Variants in IDNK observed in about 807,000 individuals in gnomAD.
IDNK encodes the protein gluconokinase.
In IDNK, 9 loss-of-function variants were observed where a neutral mutation model predicts 13.0. That is an observed-to-expected ratio of 0.69 (90% confidence interval 0.42 to 1.21). The LOEUF (loss-of-function observed/expected upper bound fraction) is 1.21, where lower values mean the gene tolerates loss of function less well. Among genes scored for constraint, IDNK ranks in the 50% most tolerant of loss-of-function variants. The pLI, the probability that IDNK is intolerant of heterozygous loss-of-function variation, is 0.00. For synonymous variants in IDNK, 92 were observed against 94.9 expected, an observed-to-expected ratio of 0.97 and a Z score of 0.18; for missense variants, 210 against 237.8, an observed-to-expected ratio of 0.88 and a Z score of 0.77.
At chr9:83,633,052 C>A (rs535713797) in intron 3 of IDNK, among the ~76,000 whole-genome samples, 4 of 152,224 alleles carry the variant, frequency 2.6e-5, no homozygotes, top group African/African-American at 9.6e-5. Flanking sequence ...TCAAGATTGG[C>A]CTGTCCTCCA....
At chr9:83,642,351 C>A (rs1461752107) in intron 4 of IDNK, among the ~76,000 whole-genome samples, 1 of 151,938 alleles carries the variant, frequency 6.6e-6, no homozygotes, top group Non-Finnish European at 1.5e-5. Context: ...TTTTTCACAC[C>A]CGTTGACATG....
chr9:83,628,192 G>A lies in IDNK; in HGVS notation c.62G>A (p.Gly21Asp), dbSNP rs1830913264. Reference sequence around the variant, plus strand: ...TGTCCTCTCCACAGATCCACCGTGGGCGCCCTGCTGGCATCTGAGGTTAGT... The same window carrying A: ...TGTCCTCTCCACAGATCCACCGTGGACGCCCTGCTGGCATCTGAGGTTAGT... Reference protein sequence around the residue: ...GVSGSGKSTVGALLASELGWK... With the variant: ...GVSGSGKSTVDALLASELGWK... Residue 21 changes from glycine to aspartate, a missense_variant, in exon 2 of 5, where the codon GGC becomes GAC. By Grantham distance (94) the Gly-to-Asp change is moderately conservative. Transcript: ENST00000376419. 1 of 1,550,544 alleles carries A rather than the reference G, an allele frequency of 6.4e-7. No homozygotes were observed. The highest frequency in any genetic ancestry group is 8.7e-7 in the Non-Finnish European group (1 of 1,146,962).
intron 3 of IDNK, 79 bp downstream of exon 3, chr9:83,629,038 A>T (rs1398134625): frequency 2.8e-6 from 3 of 1,085,010 alleles, no homozygotes; most frequent in Non-Finnish European, 4.3e-6. Flanking sequence ...TTGCTGTAGT[A>T]GAGTTCGTGA....
At chr9:83,625,869 G>A (rs11140180) in intron 1 of IDNK, among the ~76,000 whole-genome samples, 21,701 of 152,128 alleles carry the variant, frequency 0.14, 1,676 homozygotes, top group African/African-American at 0.19. Context: ...CATGTGTCTA[G>A]AACAGTTCCT....
intron 3 of IDNK, among the ~76,000 whole-genome samples, chr9:83,637,562 A>G (rs1379687195): frequency 6.6e-6 from 1 of 152,240 alleles, no homozygotes; most frequent in Admixed American, 6.5e-5. Context: ...CCTCATGGAA[A>G]AGATCAAAGG....
At chr9:83,631,049 G>C (rs1587609048) in intron 3 of IDNK, among the ~76,000 whole-genome samples, 1 of 152,136 alleles carries the variant, frequency 6.6e-6, no homozygotes, top group Non-Finnish European at 1.5e-5. Flanking sequence ...AGAATCCAAC[G>C]AGTCTAAGAC....
intron 2 of IDNK, 35 bp downstream of exon 2, chr9:83,628,246 G>A (rs1255838835): frequency 6.6e-7 from 1 of 1,503,776 alleles, no homozygotes; most frequent in East Asian, 2.5e-5. Context: ...CCGAGTGCTT[G>A]TCCCATTGTG....
intron 3 of IDNK, among the ~76,000 whole-genome samples, chr9:83,632,495 C>A (rs780369687): frequency 7.3e-6 from 1 of 137,558 alleles, no homozygotes; most frequent in Non-Finnish European, 1.5e-5. Flanking sequence ...CTGGGCCACA[C>A]TGGAAGAAGA....
intron 1 of IDNK, among the ~76,000 whole-genome samples, chr9:83,625,715 C>T (rs1231279142): frequency 1.3e-5 from 2 of 152,138 alleles, no homozygotes; most frequent in South Asian, 2.1e-4. Context: ...TTATCACAGC[C>T]TAATGGCTGA....
chr9:83,625,115 G>A (rs139680840), intron 1 of IDNK, among the ~76,000 whole-genome samples: 282 of 152,354 alleles, frequency 1.9e-3, no homozygotes, highest in Middle Eastern at 0.01. Flanking sequence ...TAAAGAGAAT[G>A]TGGTCATATG....
chr9:83,637,062 AGT>A (rs1831183633), intron 3 of IDNK, among the ~76,000 whole-genome samples: 1 of 152,240 alleles, frequency 6.6e-6, no homozygotes, highest in Non-Finnish European at 1.5e-5. Flanking sequence ...CATACATGAC[AGT>A]AACTGTTGTG....
Position 83,628,898 on chromosome 9 carries a change from ATGAT to A in IDNK, c.109_112del (p.Asp37IlefsTer33). On this transcript the variant is annotated frameshift_variant, in exon 3 of 5. Coordinates refer to ENST00000376419, the MANE Select transcript of IDNK (RefSeq NM_001001551.4). LOFTEE classifies it high-confidence loss of function. Reference sequence around the variant, plus strand: ...CTGGGATGGAAATTCTATGATGCTGATGATTATCACCCGGAGGAAAATCGAAGGA... The same window carrying A: ...CTGGGATGGAAATTCTATGATGCTGATATCACCCGGAGGAAAATCGAAGGA... 1.2e-6 allele frequency: 2 copies of A among 1,614,056 alleles called. No homozygotes were observed. Among genetic ancestry groups the A allele is most frequent in the Non-Finnish European group, 1.7e-6 (2 of 1,179,918 alleles).
chr9:83,635,542 G>A (rs996392511), intron 3 of IDNK, among the ~76,000 whole-genome samples: 1 of 152,228 alleles, frequency 6.6e-6, no homozygotes, highest in Non-Finnish European at 1.5e-5. Flanking sequence ...CAGCCTGCCT[G>A]GGACAGACAT....
intron 1 of IDNK, chr9:83,626,888 GAGC>G: frequency 2.8e-6 from 3 of 1,070,264 alleles, no homozygotes; most frequent in Non-Finnish European, 3.4e-6. Context: ...TTACATCCAG[GAGC>G]AGATCTCAGT....
At chr9:83,628,297 C>G in intron 2 of IDNK, 86 bp downstream of exon 2, 1 of 1,167,626 alleles carries the variant, frequency 8.6e-7, no homozygotes, top group South Asian at 1.3e-5. Flanking sequence ...CTGCTTTGTA[C>G]AGACACTTCC....
intron 3 of IDNK, 87 bp downstream of exon 3, chr9:83,629,046 T>C: frequency 9.4e-7 from 1 of 1,058,908 alleles, no homozygotes; most frequent in South Asian, 1.3e-5. Flanking sequence ...GTAGAGTTCG[T>C]GAGTCCTAAG....
chr9:83,635,764 A>G (rs1831148115), intron 3 of IDNK, among the ~76,000 whole-genome samples: 1 of 152,256 alleles, frequency 6.6e-6, no homozygotes. Flanking sequence ...TTTCTCAAAG[A>G]TAAATCCTTT....
chr9:83,628,814 A>G lies in IDNK; in HGVS notation c.82-59A>G, dbSNP rs547880420. 3.8e-5 allele frequency: 45 copies of G among 1,191,780 alleles called. No homozygotes were observed. In the Middle Eastern group the frequency reaches 7.6e-4, roughly 20 times the overall value. The allele number at this position is 1,191,780 out of a possible 1,614,324, so 73.8% of individuals were successfully genotyped here. A position where few individuals can be genotyped will look rare whatever the true frequency, so the allele number is the denominator to read the frequency against. On this transcript the variant is annotated intron_variant, in intron 2 of 4. Transcript: ENST00000376419. ...ACACCTGCCTGTTAGTAATCCCACAATGACTATCACATTGGCCCATCTGCC... is the reference window on the plus strand; with the variant it reads ...ACACCTGCCTGTTAGTAATCCCACAGTGACTATCACATTGGCCCATCTGCC...
rs541502310 is a variant in IDNK at position 83,643,963 on chromosome 9, G to A, written c.*183G>A. 2.2e-5 allele frequency: 12 copies of A among 539,750 alleles called. No homozygotes were observed. Among genetic ancestry groups the A allele is most frequent in the East Asian group, 8.9e-5 (3 of 33,748 alleles). 33.4% of individuals were successfully genotyped at this position (539,750 alleles called of 1,614,324 possible). A position where few individuals can be genotyped will look rare whatever the true frequency, so the allele number is the denominator to read the frequency against. On this transcript the variant is annotated 3_prime_UTR_variant, in exon 5 of 5. Coordinates refer to ENST00000376419, the MANE Select transcript of IDNK (RefSeq NM_001001551.4). ...TTATGCTGGTTCATCAGGAAGCAGAGGGGGAGTTTTAAAAGTCAAGCTTAA... is the reference window on the plus strand; with the variant it reads ...TTATGCTGGTTCATCAGGAAGCAGAAGGGGAGTTTTAAAAGTCAAGCTTAA...
Sources: gnomAD v4.1 joint callset for allele counts (sites outside exome capture counted in the v4.1 genomes callset) on GRCh38, gnomAD v4.1.1 for gene constraint, MANE v1.5 for transcripts, NCBI Gene and HGNC (gene_info 2026-07-23, HGNC 2026-07-21) for gene names.